The following PRKG1 variants were observed in gnomAD, a reference collection of about 807,000 sequenced individuals.
PRKG1 encodes protein kinase cGMP-dependent 1, also known as cGMP-dependent protein kinase 1.
Under a neutral mutation model 88.1 loss-of-function variants are expected in PRKG1, and 35 were observed. The ratio of observed to expected loss-of-function variants is 0.40; its 90% CI spans 0.30 to 0.53. PRKG1 has a LOEUF of 0.53. PRKG1 is among the 20% of genes least tolerant of loss of function. PRKG1 has a pLI of 0.59. For synonymous variants in PRKG1, 303 were observed against 292.5 expected (o/e 1.04, Z -0.37); for missense variants, 540 against 839.8 (o/e 0.64, Z 4.41).
chr10:51,480,830 T>C (rs1840334945), intron 3 of PRKG1, among the ~76,000 whole-genome samples: 2 of 151,954 alleles, frequency 1.3e-5, no homozygotes, highest in Admixed American at 6.6e-5. Flanking sequence ...TAATGGACAG[T>C]CAAAAAGGGT....
chr10:51,505,461 G>A (rs1445468942), intron 3 of PRKG1, among the ~76,000 whole-genome samples: 1 of 152,064 alleles, frequency 6.6e-6, no homozygotes, highest in Non-Finnish European at 1.5e-5. Context: ...GCTAGGCTTT[G>A]GTATCAGGAT....
In PRKG1 at chr10:51,797,478, T is replaced by G. The variant is rs944054274; in HGVS notation, c.593-7107T>G. 2.7e-5 allele frequency among the ~76,000 whole-genome samples: 4 copies of G among 146,272 alleles called. No individual in the cohort carries two copies. In the South Asian group the frequency reaches 6.3e-4, roughly 23 times the overall value. ...ATATTTATAATATACAGATTATAAT[T>G]TATTATATCATTATACATTATATAT... On this transcript the variant is annotated intron_variant, in intron 3 of 17. Coordinates refer to ENST00000373980, the MANE Select transcript of PRKG1 (RefSeq NM_006258.4).
rs534262713 is a variant in PRKG1, at chr10:51,618,280, A to T, written c.592+150444A>T. On this transcript the variant is annotated intron_variant, in intron 3 of 17. Transcript: ENST00000373980. The stretch of plus-strand genomic sequence containing the variant: ...CTTTATTTTCTGTGTTCCATAGCAA[A>T]CCTGGGAATAGCCATGGTCCAGAAA... Among the ~76,000 whole-genome samples the T allele has an allele frequency of 5.3e-5, 8 of 152,266 alleles. No homozygotes were observed. The South Asian group carries it at 1.7e-3, about 32-fold the overall frequency.
At chr10:51,195,008 C>T (rs985391425) in intron 2 of PRKG1, among the ~76,000 whole-genome samples, 1 of 152,170 alleles carries the variant, frequency 6.6e-6, no homozygotes, top group African/African-American at 2.4e-5. Context: ...GATTAAATTT[C>T]CAACACGTGA....
chr10:51,556,390 T>A (rs1837311232), intron 3 of PRKG1, among the ~76,000 whole-genome samples: 2 of 148,182 alleles, frequency 1.3e-5, no homozygotes, highest in African/African-American at 4.9e-5. Context: ...TTTCATAAAA[T>A]TTTAAAATGA....
intron 3 of PRKG1, among the ~76,000 whole-genome samples, chr10:51,569,142 T>C (rs1010439525): frequency 2.6e-5 from 4 of 152,106 alleles, no homozygotes; most frequent in Non-Finnish European, 5.9e-5. Flanking sequence ...TATGTGTTTA[T>C]GTCAGGAGTA....
chr10:51,738,209 G>A (rs1837341469), intron 3 of PRKG1, among the ~76,000 whole-genome samples: 1 of 152,136 alleles, frequency 6.6e-6, no homozygotes, highest in African/African-American at 2.4e-5. Context: ...ACAGTCCTCA[G>A]TGTCTTTAAC....
At chr10:51,836,171 A>G (rs1840126275) in intron 4 of PRKG1, among the ~76,000 whole-genome samples, 1 of 152,188 alleles carries the variant, frequency 6.6e-6, no homozygotes, top group Non-Finnish European at 1.5e-5. Flanking sequence ...CACTGGCATC[A>G]AAGCAGACAC....
At chr10:51,318,239 C>T (rs1021707013) in intron 2 of PRKG1, among the ~76,000 whole-genome samples, 1 of 152,266 alleles carries the variant, frequency 6.6e-6, no homozygotes, top group South Asian at 2.1e-4. Context: ...CTTAGCCTGG[C>T]AGTCAAGGTC....
chr10:52,152,774 G>T (rs2132670761), intron 8 of PRKG1, among the ~76,000 whole-genome samples: 1 of 152,292 alleles, frequency 6.6e-6, no homozygotes, highest in Non-Finnish European at 1.5e-5. Context: ...GAAAATGGCA[G>T]TTGAGACCCA....
chr10:51,141,632 T>C (rs915782239), intron 1 of PRKG1, among the ~76,000 whole-genome samples: 7 of 152,330 alleles, frequency 4.6e-5, no homozygotes, highest in Admixed American at 1.3e-4. Flanking sequence ...TTAAAGGACA[T>C]ATGGTACATG....
At chr10:51,979,700 T>G (rs1843956012) in intron 5 of PRKG1, among the ~76,000 whole-genome samples, 1 of 150,774 alleles carries the variant, frequency 6.6e-6, no homozygotes, top group Admixed American at 6.6e-5. Flanking sequence ...AGGGATTCAG[T>G]TTTTTCCTGA....
intron 3 of PRKG1, among the ~76,000 whole-genome samples, chr10:51,750,059 C>T (rs1427520709): frequency 6.6e-6 from 1 of 151,728 alleles, no homozygotes; most frequent in Non-Finnish European, 1.5e-5. Flanking sequence ...TCTCAGCCTC[C>T]TGAGTAGCTG....
rs140340095 is a variant in PRKG1 at position 51,101,340 on chromosome 10, A to C, written c.311+26439A>C. On this transcript the variant is annotated intron_variant, in intron 1 of 17. Transcript: ENST00000373980. ...TCTACAAGCCCAGGAGAGAGGCTTC[A>C]CCAGAAACCCAATTGGCTGGCACCT... is the stretch of plus-strand genomic sequence containing the variant. Among the ~76,000 whole-genome samples, 1,038 of 152,252 alleles carry C rather than the reference A, an allele frequency of 6.8e-3. 7 individuals carry two copies. The highest frequency in any genetic ancestry group is 0.024 in the African/African-American group (978 of 41,536).
intron 3 of PRKG1, among the ~76,000 whole-genome samples, chr10:51,733,075 A>G (rs1318377087): frequency 6.7e-6 from 1 of 148,278 alleles, no homozygotes; most frequent in African/African-American, 2.6e-5. Flanking sequence ...CAACAACAAC[A>G]AAAAAAACAC....
At chr10:51,781,872 T>C (rs2211614) in intron 3 of PRKG1, among the ~76,000 whole-genome samples, 23,833 of 151,998 alleles carry the variant, frequency 0.16, 2,646 homozygotes, top group African/African-American at 0.32. Context: ...ATGTCTGCAA[T>C]ATTGGGCAAA....
At chr10:52,037,839 T>A (rs1845656553) in intron 5 of PRKG1, among the ~76,000 whole-genome samples, 1 of 151,554 alleles carries the variant, frequency 6.6e-6, no homozygotes, top group South Asian at 2.1e-4. Context: ...AAGGGAGAGG[T>A]CAGATGGATC....
intron 4 of PRKG1, among the ~76,000 whole-genome samples, chr10:51,820,717 T>C (rs557471383): frequency 3.3e-5 from 5 of 152,296 alleles, no homozygotes; most frequent in African/African-American, 1.2e-4. Context: ...AATGGAAAAC[T>C]TGTGGTTTGC....
chr10:51,989,551 C>T (rs560518639), intron 5 of PRKG1, among the ~76,000 whole-genome samples: 13 of 151,136 alleles, frequency 8.6e-5, no homozygotes, highest in Non-Finnish European at 5.9e-5. Flanking sequence ...TAATGTCAAT[C>T]ATAATAGCTT....
Sources: gnomAD v4.1 joint callset for allele counts (sites outside exome capture counted in the v4.1 genomes callset) on GRCh38, gnomAD v4.1.1 for gene constraint, MANE v1.5 for transcripts, NCBI Gene and HGNC (gene_info 2026-07-23, HGNC 2026-07-21) for gene names.